Variants in SDCCAG8 observed in about 807,000 individuals in gnomAD.
The protein encoded by SDCCAG8 is SHH signaling and ciliogenesis regulator SDCCAG8, also known as serologically defined colon cancer antigen 8.
SDCCAG8 carries 74 observed loss-of-function variants against 101.8 expected under a neutral mutation model. The ratio of observed to expected loss-of-function variants is 0.73; its 90% CI spans 0.60 to 0.88. SDCCAG8 has a LOEUF of 0.88. Ranked by LOEUF, SDCCAG8 falls within the 40% of genes least tolerant of loss-of-function variation. SDCCAG8 has a pLI of 0.00. For synonymous variants in SDCCAG8, 281 were observed against 292.9 expected (o/e 0.96, Z 0.41); for missense variants, 787 against 822.6 (o/e 0.96, Z 0.53).
At chr1:243,407,729 C>T (rs2079885826) in intron 13 of SDCCAG8, among the ~76,000 whole-genome samples, 1 of 152,116 alleles carries the variant, frequency 6.6e-6, no homozygotes, top group Non-Finnish European at 1.5e-5. Context: ...CTGCTTTCTT[C>T]CCTAGAAGTG....
intron 12 of SDCCAG8, among the ~76,000 whole-genome samples, chr1:243,361,748 A>G (rs2076722168): frequency 6.6e-6 from 1 of 152,102 alleles, no homozygotes; most frequent in African/African-American, 2.4e-5. Flanking sequence ...TTCCAATTCA[A>G]TGTCTCTACT....
chr1:243,267,987 C>T (rs1320871500), intron 1 of SDCCAG8: 1 of 780,496 alleles, frequency 1.3e-6, no homozygotes. Flanking sequence ...ACTTCTCTTT[C>T]CTTTAACGCG....
At chr1:243,452,895 C>T (rs993609083) in intron 16 of SDCCAG8, among the ~76,000 whole-genome samples, 1 of 152,186 alleles carries the variant, frequency 6.6e-6, no homozygotes, top group Non-Finnish European at 1.5e-5. Context: ...AGCAGCCTCT[C>T]AAAACGTTGA....
At chr1:243,401,915 A>G (rs1025729091) in intron 13 of SDCCAG8, among the ~76,000 whole-genome samples, 2 of 152,194 alleles carry the variant, frequency 1.3e-5, no homozygotes, top group Non-Finnish European at 2.9e-5. Flanking sequence ...AGTTTTTGAA[A>G]ATTATGAGTT....
intron 8 of SDCCAG8, among the ~76,000 whole-genome samples, chr1:243,316,522 T>C (rs370480014): frequency 6.6e-6 from 1 of 152,206 alleles, no homozygotes; most frequent in Non-Finnish European, 1.5e-5. Context: ...AATAGATGAT[T>C]GTCCCGCACA....
chr1:243,434,027 G>A (rs953352963), intron 16 of SDCCAG8, among the ~76,000 whole-genome samples: 4 of 152,150 alleles, frequency 2.6e-5, no homozygotes, highest in Non-Finnish European at 5.9e-5. Flanking sequence ...GGTTATCAGC[G>A]TTGTTCTGAG....
At chr1:243,306,952 A>G (rs1023349655) in intron 7 of SDCCAG8, among the ~76,000 whole-genome samples, 26 of 152,110 alleles carry the variant, frequency 1.7e-4, no homozygotes, top group Admixed American at 8.5e-4. Context: ...TAAGATGGCC[A>G]CAGCACCTGA....
At chr1:243,374,255 A>G (rs2077466233) in intron 12 of SDCCAG8, among the ~76,000 whole-genome samples, 1 of 152,102 alleles carries the variant, frequency 6.6e-6, no homozygotes, top group African/African-American at 2.4e-5. Context: ...TCCTGGAGCT[A>G]AAGTGTATGG....
intron 15 of SDCCAG8, among the ~76,000 whole-genome samples, chr1:243,423,076 G>C (rs1299501404): frequency 6.6e-6 from 1 of 152,072 alleles, no homozygotes; most frequent in African/African-American, 2.4e-5. Flanking sequence ...ATGATGTGCA[G>C]GCATATATGT....
At chr1:243,476,073 C>T (rs1045989840) in intron 16 of SDCCAG8, 2 of 985,322 alleles carry the variant, frequency 2.0e-6, no homozygotes, top group African/African-American at 3.5e-5. Flanking sequence ...TCCCAACACT[C>T]ATCAGTGTGT....
intron 17 of SDCCAG8, among the ~76,000 whole-genome samples, chr1:243,493,163 GT>G (rs1558549829): frequency 1.4e-5 from 2 of 143,026 alleles, no homozygotes; most frequent in Admixed American, 7.1e-5. Flanking sequence ...GGGCTGGGTA[GT>G]CGCACTCTCG....
At chr1:243,263,129 T>C (rs2067316513) in intron 1 of SDCCAG8, among the ~76,000 whole-genome samples, 1 of 152,196 alleles carries the variant, frequency 6.6e-6, no homozygotes, top group Non-Finnish European at 1.5e-5. Flanking sequence ...TACAATGTAA[T>C]GTGGTCAGAG....
At chr1:243,359,462 A>G (rs1459823702) in intron 12 of SDCCAG8, among the ~76,000 whole-genome samples, 1 of 152,182 alleles carries the variant, frequency 6.6e-6, no homozygotes, top group Admixed American at 6.5e-5. Context: ...TAGAAAAAAA[A>G]TATATCATCC....
chr1:243,413,263 T>C (rs1335001586), intron 13 of SDCCAG8, among the ~76,000 whole-genome samples: 2 of 152,220 alleles, frequency 1.3e-5, no homozygotes, highest in Non-Finnish European at 2.9e-5. Context: ...TGGAGTTCAG[T>C]GGCACAATCT....
chr1:243,433,581 G>A (rs1194350337), intron 16 of SDCCAG8, among the ~76,000 whole-genome samples: 1 of 152,160 alleles, frequency 6.6e-6, no homozygotes, highest in Non-Finnish European at 1.5e-5. Flanking sequence ...AGGCTAGACA[G>A]GAGTTGGCTG....
At chr1:243,396,735 G>T (rs774519682) in intron 13 of SDCCAG8, among the ~76,000 whole-genome samples, 8 of 152,166 alleles carry the variant, frequency 5.3e-5, no homozygotes, top group Non-Finnish European at 1.2e-4. Context: ...CACACATGAA[G>T]AAAATACATA....
intron 15 of SDCCAG8, among the ~76,000 whole-genome samples, chr1:243,421,555 T>C (rs1347901284): frequency 6.6e-6 from 1 of 152,170 alleles, no homozygotes; most frequent in Admixed American, 6.5e-5. Context: ...AGCACAGTAG[T>C]TTGCGCGCTC....
At chr1:243,308,971 C>T (rs1053982037) in intron 8 of SDCCAG8, among the ~76,000 whole-genome samples, 3 of 152,182 alleles carry the variant, frequency 2.0e-5, no homozygotes, top group Non-Finnish European at 4.4e-5. Flanking sequence ...TAGAAGAAGT[C>T]TCTCATCAGC....
intron 13 of SDCCAG8, among the ~76,000 whole-genome samples, chr1:243,383,953 C>G (rs1402471858): frequency 6.6e-6 from 1 of 152,014 alleles, no homozygotes; most frequent in Non-Finnish European, 1.5e-5. Flanking sequence ...ATAATCTTAC[C>G]TTCTTACCAA....
Sources: allele counts gnomAD v4.1 joint callset (sites outside exome capture counted in the v4.1 genomes callset), GRCh38; gene constraint gnomAD v4.1.1; transcripts MANE v1.5; gene names NCBI Gene and HGNC (gene_info 2026-07-23, HGNC 2026-07-21).